KCNG2: variants seen among roughly 807,000 people sequenced by gnomAD.
KCNG2 encodes the protein potassium voltage-gated channel modifier subfamily G member 2, also known as voltage-gated potassium channel regulatory subunit KCNG2.
In KCNG2, 7 loss-of-function variants were observed where a neutral mutation model predicts 12.3. The ratio of observed to expected loss-of-function variants is 0.57; its 90% CI spans 0.32 to 1.07. KCNG2 has a LOEUF of 1.07. KCNG2 is among the 50% of genes least tolerant of loss of function. The pLI is 0.04. For missense variants in KCNG2, 703 were observed against 726.0 expected (o/e 0.97, Z 0.36); for synonymous variants, 414 against 351.4 (o/e 1.18, Z -1.99).
At chr18:79,831,685 G>A (rs1211345486) in intron 1 of KCNG2, among the ~76,000 whole-genome samples, 8 of 126,718 alleles carry the variant, frequency 6.3e-5, no homozygotes, top group South Asian at 3.0e-4. Flanking sequence ...GGTTCCCTGC[G>A]GACAGAGCCT....
chr18:79,845,765 T>C (rs1302455804), intron 1 of KCNG2, among the ~76,000 whole-genome samples: 2 of 152,220 alleles, frequency 1.3e-5, no homozygotes, highest in East Asian at 3.8e-4. Context: ...ATAAAACCCC[T>C]TTATAATTTA....
chr18:79,839,642 A>G (rs1690124415), intron 1 of KCNG2, among the ~76,000 whole-genome samples: 1 of 152,146 alleles, frequency 6.6e-6, no homozygotes, highest in Non-Finnish European at 1.5e-5. Flanking sequence ...AAACAACTAA[A>G]CCTCTGAGTA....
At chr18:79,838,194 C>T (rs1346364039) in intron 1 of KCNG2, among the ~76,000 whole-genome samples, 1 of 152,092 alleles carries the variant, frequency 6.6e-6, no homozygotes, top group Non-Finnish European at 1.5e-5. Context: ...GTGGTGATTA[C>T]AAATCAAGAT....
chr18:79,889,778 C>T (rs1170611005), intron 3 of KCNG2, among the ~76,000 whole-genome samples: 1 of 152,228 alleles, frequency 6.6e-6, no homozygotes, highest in Non-Finnish European at 1.5e-5. Context: ...ACAGAGTCCA[C>T]TGGAAGTGAC....
intron 2 of KCNG2, among the ~76,000 whole-genome samples, chr18:79,858,199 G>A (rs1320091204): frequency 3.9e-5 from 6 of 152,100 alleles, no homozygotes; most frequent in Non-Finnish European, 7.4e-5. Context: ...ACAGGGTTTC[G>A]CCATGTTGAC....
At chr18:79,897,661 T>C (rs1981026820) in intron 3 of KCNG2, among the ~76,000 whole-genome samples, 1 of 152,240 alleles carries the variant, frequency 6.6e-6, no homozygotes, top group South Asian at 2.1e-4. Flanking sequence ...TGTCATTCTT[T>C]GTTAGAAACT....
Position 79,863,869 on chromosome 18 carries a change from G to A in KCNG2, c.202G>A (p.Glu68Lys), listed in dbSNP as rs756656712. ...TGACGACTACGACGTGAGCCGCGACGAGTTCTTCTTCGACCGCAGCCCGTG... is the reference window on the plus strand; with the variant it reads ...TGACGACTACGACGTGAGCCGCGACAAGTTCTTCTTCGACCGCAGCCCGTG... ...VCDDYDVSRD[E>K]FFFDRSPCAF... The change falls in exon 3 of 4, where the codon GAG (glutamate) becomes AAG (lysine). Residue 68 changes from glutamate to lysine, a missense_variant. Glu to Lys is a moderately conservative substitution (Grantham distance 56). Transcript: ENST00000316249. The A allele has an allele frequency of 1.4e-6, 2 of 1,472,474 alleles. No individual in the cohort carries two copies. Among genetic ancestry groups the A allele is most frequent in the Admixed American group, 2.4e-5 (1 of 42,014 alleles). The allele number at this position is 1,472,474 out of a possible 1,614,324, so 91.2% of individuals were successfully genotyped here.
chr18:79,860,835 T>C (rs4563100), intron 2 of KCNG2, among the ~76,000 whole-genome samples: 125,818 of 152,168 alleles, frequency 0.83, 54,701 homozygotes, highest in Non-Finnish European at 0.95. Context: ...CTGACTATAA[T>C]TTCCAGTTCA....
chr18:79,869,823 G>T (rs1363733679), intron 3 of KCNG2, among the ~76,000 whole-genome samples: 1 of 152,146 alleles, frequency 6.6e-6, no homozygotes, highest in Admixed American at 6.5e-5. Flanking sequence ...CCCCAACCTC[G>T]CCATCTTTCC....
intron 1 of KCNG2, among the ~76,000 whole-genome samples, chr18:79,848,862 G>A (rs1019344902): frequency 6.6e-6 from 1 of 152,204 alleles, no homozygotes; most frequent in Non-Finnish European, 1.5e-5. Context: ...AGTGGCCCCG[G>A]GCAGGTGGCC....
At chr18:79,836,689 G>A (rs1315535432) in intron 1 of KCNG2, among the ~76,000 whole-genome samples, 2 of 152,148 alleles carry the variant, frequency 1.3e-5, no homozygotes, top group East Asian at 3.9e-4. Context: ...TTCTTCACAT[G>A]GCTGCAGGAG....
At chr18:79,842,915 A>C (rs1978506841) in intron 1 of KCNG2, among the ~76,000 whole-genome samples, 1 of 152,206 alleles carries the variant, frequency 6.6e-6, no homozygotes, top group Non-Finnish European at 1.5e-5. Flanking sequence ...GTGGAGAATG[A>C]AAAAGGGGAA....
At position 79,803,161 on chromosome 18, in the gene KCNG2, G is replaced by A. The variant is rs1435157667; in HGVS notation, c.-115+5147G>A. Reference sequence around the variant, plus strand: ...CCACTGCACTCCAGCCTGGGTGACAGAGCAAGACTCTGTCTCAAAAAAAAA... The same window carrying A: ...CCACTGCACTCCAGCCTGGGTGACAAAGCAAGACTCTGTCTCAAAAAAAAA... On this transcript the variant is annotated intron_variant, in intron 1 of 3. Transcript: ENST00000316249. This position sits in a 1 kb window ranked among gnomAD's most constrained non-coding sequence, Gnocchi z 4.5. Among the ~76,000 whole-genome samples the A allele has an allele frequency of 6.6e-6, 1 of 152,130 alleles. No individual in the cohort carries two copies. Among genetic ancestry groups the A allele is most frequent in the African/African-American group, 2.4e-5 (1 of 41,428 alleles).
chr18:79,833,199 G>A (rs532416934), intron 1 of KCNG2, among the ~76,000 whole-genome samples: 3 of 152,114 alleles, frequency 2.0e-5, no homozygotes, highest in South Asian at 2.1e-4. Flanking sequence ...GCAGTGGTGC[G>A]ATCTTGGCTT....
intron 3 of KCNG2, among the ~76,000 whole-genome samples, chr18:79,866,358 C>G (rs1599408249): frequency 1.2e-5 from 1 of 83,714 alleles, no homozygotes; most frequent in Non-Finnish European, 2.6e-5. Context: ...GGTCTGTGTG[C>G]TGAGGTCTGG....
intron 1 of KCNG2, among the ~76,000 whole-genome samples, chr18:79,829,562 C>T (rs375488645): frequency 6.6e-6 from 1 of 152,038 alleles, no homozygotes; most frequent in African/African-American, 2.4e-5. Context: ...CACATCGGTC[C>T]GTCTCTGCCT....
rs539535092 is a variant in KCNG2 at position 79,800,280 on chromosome 18, G to A, written c.-115+2266G>A. 2.0e-5 allele frequency among the ~76,000 whole-genome samples: 3 copies of A among 152,280 alleles called. No individual in the cohort carries two copies. Among genetic ancestry groups the A allele is most frequent in the Admixed American group, 6.5e-5 (1 of 15,304 alleles). ...ACGGCCACCTGTGTCTGAGTACTGCGCGCCTGTCCACGGATGGGTAATTTT... is the reference window on the plus strand; with the variant it reads ...ACGGCCACCTGTGTCTGAGTACTGCACGCCTGTCCACGGATGGGTAATTTT... On this transcript the variant is annotated intron_variant, in intron 1 of 3. Transcript: ENST00000316249. This position sits in a 1 kb window ranked among gnomAD's most constrained non-coding sequence, Gnocchi z 4.0.
chr18:79,812,532 C>T (rs2087499806), intron 1 of KCNG2, among the ~76,000 whole-genome samples: 1 of 152,140 alleles, frequency 6.6e-6, no homozygotes, highest in South Asian at 2.1e-4. Context: ...TACCTGGCGA[C>T]CACATTAAAC....
chr18:79,892,839 T>C (rs947697502), intron 3 of KCNG2, among the ~76,000 whole-genome samples: 2 of 152,148 alleles, frequency 1.3e-5, no homozygotes, highest in Non-Finnish European at 2.9e-5. Flanking sequence ...ACGATTGATA[T>C]AGTTGGGTCT....
Sources: gnomAD v4.1 joint callset for allele counts (sites outside exome capture counted in the v4.1 genomes callset) on GRCh38, gnomAD v4.1.1 for gene constraint, Gnocchi (gnomAD v3.1) non-coding constraint, MANE v1.5 for transcripts, NCBI Gene and HGNC (gene_info 2026-07-23, HGNC 2026-07-21) for gene names.